The following KIAA0825 variants were observed in gnomAD, a reference collection of about 807,000 sequenced individuals.
KIAA0825 encodes uncharacterized protein KIAA0825.
Under a neutral mutation model 147.6 loss-of-function variants are expected in KIAA0825, and 119 were observed. The ratio of observed to expected loss-of-function variants is 0.81; its 90% CI spans 0.69 to 0.94. KIAA0825 has a LOEUF of 0.94. Ranked by LOEUF, KIAA0825 falls within the 40% of genes least tolerant of loss-of-function variation. The pLI is 0.00. For synonymous variants in KIAA0825, 470 were observed against 518.1 expected, an observed-to-expected ratio of 0.91 and a Z score of 1.26; for missense variants, 1,381 against 1,472.7, an observed-to-expected ratio of 0.94 and a Z score of 1.02.
At chr5:94,353,757 C>T (rs971446216) in intron 20 of KIAA0825, among the ~76,000 whole-genome samples, 1 of 151,922 alleles carries the variant, frequency 6.6e-6, no homozygotes, top group African/African-American at 2.4e-5. Context: ...AGAATAGTTG[C>T]TAAAAGTTAT....
chr5:94,289,117 G>T (rs939984128), intron 20 of KIAA0825, among the ~76,000 whole-genome samples: 13 of 152,124 alleles, frequency 8.5e-5, no homozygotes, highest in Non-Finnish European at 1.8e-4. Context: ...TCATTCATTG[G>T]CTGAGAATAG....
At chr5:94,394,854 T>A (rs1750421120) in intron 17 of KIAA0825, among the ~76,000 whole-genome samples, 1 of 152,164 alleles carries the variant, frequency 6.6e-6, no homozygotes, top group Non-Finnish European at 1.5e-5. Flanking sequence ...ATGCTATTGT[T>A]ATTGCCACCC....
chr5:94,229,152 G>T (rs1774466305), intron 20 of KIAA0825, among the ~76,000 whole-genome samples: 3 of 152,184 alleles, frequency 2.0e-5, no homozygotes, highest in African/African-American at 7.2e-5. Flanking sequence ...CTCTTTCTTG[G>T]TTTGCTCCAT....
chr5:94,293,849 C>A (rs1778017263), intron 20 of KIAA0825, among the ~76,000 whole-genome samples: 1 of 152,108 alleles, frequency 6.6e-6, no homozygotes, highest in Non-Finnish European at 1.5e-5. Flanking sequence ...TGCATTGATC[C>A]TTTTACCATT....
At chr5:94,294,320 C>T (rs1778039428) in intron 20 of KIAA0825, among the ~76,000 whole-genome samples, 1 of 152,144 alleles carries the variant, frequency 6.6e-6, no homozygotes, top group Non-Finnish European at 1.5e-5. Context: ...GTAAGGCAGG[C>T]CTGGTGGTGA....
intron 20 of KIAA0825, among the ~76,000 whole-genome samples, chr5:94,237,103 T>A (rs949266919): frequency 6.6e-6 from 1 of 151,922 alleles, no homozygotes; most frequent in African/African-American, 2.4e-5. Context: ...TCTCTATATG[T>A]ATAGGCGATG....
intron 20 of KIAA0825, among the ~76,000 whole-genome samples, chr5:94,201,384 G>T (rs936199192): frequency 6.6e-6 from 1 of 151,826 alleles, no homozygotes; most frequent in African/African-American, 2.4e-5. Context: ...GCCAGGAGTT[G>T]TGTTAATAAA....
At chr5:94,279,474 GAAT>G (rs1777364993) in intron 20 of KIAA0825, among the ~76,000 whole-genome samples, 1 of 152,050 alleles carries the variant, frequency 6.6e-6, no homozygotes, top group African/African-American at 2.4e-5. Flanking sequence ...TAATGGTACA[GAAT>G]TGCAAATATT....
intron 20 of KIAA0825, among the ~76,000 whole-genome samples, chr5:94,361,896 A>C (rs1745114733): frequency 6.6e-6 from 1 of 152,180 alleles, no homozygotes; most frequent in Non-Finnish European, 1.5e-5. Flanking sequence ...GCTTTCAGGT[A>C]ATTCTTGCTG....
In KIAA0825 at chr5:94,153,528, G is replaced by T. The variant is rs1386021546; in HGVS notation, c.*479C>A. The T allele has an allele frequency of 6.6e-6, 1 of 152,204 alleles. No homozygotes were observed. Among genetic ancestry groups the T allele is most frequent in the African/African-American group, 2.4e-5 (1 of 41,420 alleles). The allele number at this position is 152,204 out of a possible 1,614,324, so 9.4% of individuals were successfully genotyped here. A position where few individuals can be genotyped will look rare whatever the true frequency, so the allele number is the denominator to read the frequency against. On this transcript the variant is annotated 3_prime_UTR_variant, in exon 21 of 21. Coordinates refer to ENST00000682413, the MANE Select transcript of KIAA0825 (RefSeq NM_001145678.3). The stretch of plus-strand genomic sequence containing the variant: ...TAATTAGATAAATTGAATGAGGAAA[G>T]TTGACACAATTGTGGATAGTAAAGG...
chr5:94,278,749 A>G (rs1777331718), intron 20 of KIAA0825, among the ~76,000 whole-genome samples: 1 of 152,128 alleles, frequency 6.6e-6, no homozygotes, highest in South Asian at 2.1e-4. Flanking sequence ...CAGTAAATGA[A>G]GTTGAAATGT....
chr5:94,403,011 G>A lies in KIAA0825; in HGVS notation c.2887+558C>T, dbSNP rs542370285. Among the ~76,000 whole-genome samples the A allele has an allele frequency of 1.8e-4, 28 of 152,034 alleles. 1 individual carries two copies. The South Asian group carries it at 5.4e-3, about 29-fold the overall frequency. On this transcript the variant is annotated intron_variant, in intron 16 of 20. Coordinates refer to ENST00000682413, the MANE Select transcript of KIAA0825 (RefSeq NM_001145678.3). ...GTTCTTAAGTACACTTGGTGGATGC[G>A]CTGTTCTGAATAGGAACAATGCACT...
intron 20 of KIAA0825, among the ~76,000 whole-genome samples, chr5:94,224,077 C>CTTTTT (rs1773920941): frequency 1.4e-5 from 1 of 69,684 alleles, no homozygotes; most frequent in Admixed American, 1.5e-4. Context: ...CTTTCTTTTT[C>CTTTTT]TTTTCTTTTT....
intron 20 of KIAA0825, among the ~76,000 whole-genome samples, chr5:94,229,502 ATTTT>A (rs769082743): frequency 1.4e-5 from 2 of 138,804 alleles, no homozygotes; most frequent in Non-Finnish European, 1.6e-5. Context: ...TCCATATTGA[ATTTT>A]TTTTTTTTTT....
At chr5:94,508,263 C>G (rs574565484) in intron 5 of KIAA0825, among the ~76,000 whole-genome samples, 84 of 152,016 alleles carry the variant, frequency 5.5e-4, no homozygotes, top group African/African-American at 1.9e-3. Flanking sequence ...TTGCACAAAA[C>G]TAAATTATTA....
At chr5:94,182,341 C>G (rs1352330544) in intron 20 of KIAA0825, among the ~76,000 whole-genome samples, 1 of 127,026 alleles carries the variant, frequency 7.9e-6, no homozygotes, top group Non-Finnish European at 1.6e-5. Flanking sequence ...CTCACTGAAG[C>G]CTCCGCCTCC....
chr5:94,348,083 C>T (rs1424645729), intron 20 of KIAA0825, among the ~76,000 whole-genome samples: 8 of 151,914 alleles, frequency 5.3e-5, no homozygotes, highest in Admixed American at 5.2e-4. Flanking sequence ...TAACCCAATC[C>T]AACAAAGACA....
At chr5:94,549,382 T>A (rs1410395157) in intron 2 of KIAA0825, among the ~76,000 whole-genome samples, 2 of 152,110 alleles carry the variant, frequency 1.3e-5, no homozygotes, top group Non-Finnish European at 2.9e-5. Flanking sequence ...AATTAAAAAA[T>A]TTCTTGAAAC....
At chr5:94,448,589 T>G (rs1047273856) in intron 13 of KIAA0825, among the ~76,000 whole-genome samples, 8 of 152,192 alleles carry the variant, frequency 5.3e-5, no homozygotes, top group Non-Finnish European at 1.2e-4. Context: ...AGTTCCTTCA[T>G]GATATTAACT....
Sources: gnomAD v4.1 joint callset for allele counts (sites outside exome capture counted in the v4.1 genomes callset) on GRCh38, gnomAD v4.1.1 for gene constraint, MANE v1.5 for transcripts, NCBI Gene and HGNC (gene_info 2026-07-23, HGNC 2026-07-21) for gene names.